HUNK: variants seen among roughly 807,000 people sequenced by gnomAD.
HUNK encodes the protein hormonally up-regulated Neu-associated kinase.
HUNK carries 21 observed loss-of-function variants against 61.0 expected under a neutral mutation model. The observed-to-expected ratio is 0.34, with a 90% CI of 0.24 to 0.50. The LOEUF (loss-of-function observed/expected upper bound fraction) is 0.50. Among genes scored for constraint, HUNK ranks in the 20% least tolerant of loss-of-function variants. The probability of loss-of-function intolerance (pLI) is 0.98; values close to 1 mark genes in which losing one functional copy is unlikely to be tolerated. For synonymous variants in HUNK, 371 were observed against 386.1 expected (o/e 0.96, Z 0.46); for missense variants, 772 against 945.7 (o/e 0.82, Z 2.41).
intron 1 of HUNK, among the ~76,000 whole-genome samples, chr21:31,874,997 A>T (rs2052249241): frequency 1.3e-5 from 2 of 152,120 alleles, no homozygotes; most frequent in Non-Finnish European, 2.9e-5. Context: ...GAGCTGTCCC[A>T]AGCTCCTGTC....
At chr21:31,975,006 T>G (rs896587804) in intron 7 of HUNK, among the ~76,000 whole-genome samples, 16 of 152,082 alleles carry the variant, frequency 1.1e-4, no homozygotes, top group African/African-American at 2.2e-4. Flanking sequence ...CTTTTTTTTT[T>G]TTGTTCTGCT....
intron 2 of HUNK, among the ~76,000 whole-genome samples, chr21:31,934,442 CA>C (rs35817125): frequency 0.12 from 10,571 of 88,726 alleles, 416 homozygotes; most frequent in African/African-American, 0.19. Context: ...GACTCTGCCT[CA>C]AAAAAAAAAA....
chr21:31,987,021 G>T (rs2053138151), intron 8 of HUNK, among the ~76,000 whole-genome samples: 1 of 152,154 alleles, frequency 6.6e-6, no homozygotes, highest in African/African-American at 2.4e-5. Flanking sequence ...TATTCCCAGA[G>T]GCCACACGAT....
chr21:31,919,836 G>A (rs1601378334), intron 1 of HUNK, among the ~76,000 whole-genome samples: 1 of 152,300 alleles, frequency 6.6e-6, no homozygotes, highest in Non-Finnish European at 1.5e-5. Flanking sequence ...GTGAAAGGTG[G>A]CGTCATTCCC....
At chr21:31,897,263 A>T (rs2052431485) in intron 1 of HUNK, among the ~76,000 whole-genome samples, 1 of 152,166 alleles carries the variant, frequency 6.6e-6, no homozygotes, top group Non-Finnish European at 1.5e-5. Flanking sequence ...CAAAACAAAA[A>T]AAATTAGCAA....
chr21:31,887,384 C>T (rs1372648624), intron 1 of HUNK, among the ~76,000 whole-genome samples: 1 of 152,166 alleles, frequency 6.6e-6, no homozygotes, highest in Non-Finnish European at 1.5e-5. Context: ...GTCTCTTTGA[C>T]TGTAATTTTT....
At chr21:31,907,954 C>A (rs1238631670) in intron 1 of HUNK, among the ~76,000 whole-genome samples, 4 of 151,574 alleles carry the variant, frequency 2.6e-5, no homozygotes, top group Admixed American at 2.6e-4. Context: ...CGCGCCACTG[C>A]AACTCCAGCC....
At chr21:31,958,536 C>T (rs752165809) in intron 4 of HUNK, among the ~76,000 whole-genome samples, 2 of 151,996 alleles carry the variant, frequency 1.3e-5, no homozygotes, top group Admixed American at 1.3e-4. Context: ...AGCACAGCAG[C>T]GAGATAGTGG....
chr21:31,950,872 C>G (rs773652970), intron 4 of HUNK, among the ~76,000 whole-genome samples: 13 of 152,080 alleles, frequency 8.5e-5, no homozygotes, highest in Non-Finnish European at 1.8e-4. Context: ...TCCAAAAAAG[C>G]AAACTCCCCT....
chr21:31,918,559 G>T (rs1321057520), intron 1 of HUNK, among the ~76,000 whole-genome samples: 1 of 152,216 alleles, frequency 6.6e-6, no homozygotes, highest in African/African-American at 2.4e-5. Flanking sequence ...GCTTCCTCCA[G>T]AGACCTAAGG....
At position 31,892,783 on chromosome 21, in the gene HUNK, GC is replaced by G. The variant is rs1205643338; in HGVS notation, c.261+18850del. Among the ~76,000 whole-genome samples the G allele has an allele frequency of 2.0e-5, 3 of 152,112 alleles. No individual in the cohort carries two copies. In the East Asian group the frequency reaches 5.8e-4, roughly 29 times the overall value. ...AGGTGAGGAAAAAGATGATGGGGAC[GC>G]CTCTTCCGTCAACACCTCCCTGAGG... On this transcript the variant is annotated intron_variant, in intron 1 of 10. Coordinates refer to ENST00000270112, the MANE Select transcript of HUNK (RefSeq NM_014586.2).
chr21:31,924,429 T>C lies in HUNK; in HGVS notation c.262-39T>C. Reference sequence around the variant, plus strand: ...GTAGCCAAGGCATCGCTATTGTCTGTAATGTCTGATAACAGGCATGTTCTT... The same window carrying C: ...GTAGCCAAGGCATCGCTATTGTCTGCAATGTCTGATAACAGGCATGTTCTT... On this transcript the variant is annotated intron_variant, in intron 1 of 10. Coordinates refer to ENST00000270112, the MANE Select transcript of HUNK (RefSeq NM_014586.2). This position sits in a 1 kb window ranked among gnomAD's most constrained non-coding sequence, Gnocchi z 5.1. 1 of 1,585,898 alleles carries C rather than the reference T, an allele frequency of 6.3e-7. No homozygotes were observed. The highest frequency in any genetic ancestry group is 1.2e-5 in the South Asian group (1 of 86,386).
chr21:31,956,019 G>T (rs772598175), intron 4 of HUNK, among the ~76,000 whole-genome samples: 6 of 152,228 alleles, frequency 3.9e-5, no homozygotes, highest in Non-Finnish European at 7.3e-5. Context: ...CTCATTAACT[G>T]CATGAACCTG....
rs762290307 is a variant in HUNK at position 31,946,061 on chromosome 21, G to A, written c.636G>A (p.Gly212=). 1.3e-5 allele frequency: 21 copies of A among 1,609,568 alleles called. No individual in the cohort carries two copies. The highest frequency in any genetic ancestry group is 1.7e-5 in the Non-Finnish European group (20 of 1,176,482). ...LIDFGLSNCA[G]ILGYSDPFST... ...ACTTTGGTTTGAGCAACTGCGCAGGGATCCTGGGTTACTCGGATCCGTTCA... is the reference window on the plus strand; with the variant it reads ...ACTTTGGTTTGAGCAACTGCGCAGGAATCCTGGGTTACTCGGATCCGTTCA... Residue 212 remains glycine (G), a synonymous_variant, in exon 4 of 11, where the codon GGG becomes GGA. Coordinates refer to ENST00000270112, the MANE Select transcript of HUNK (RefSeq NM_014586.2).
At chr21:31,974,758 G>A (rs1425477080) in intron 7 of HUNK, 41 bp downstream of exon 7, 3 of 1,535,348 alleles carry the variant, frequency 2.0e-6, no homozygotes, top group Admixed American at 2.1e-5. Flanking sequence ...GCTGTCTGTG[G>A]AAAAAAGAGC....
chr21:31,990,211 T>G (rs758030307), intron 9 of HUNK, 35 bp downstream of exon 9: 1 of 1,575,382 alleles, frequency 6.3e-7, no homozygotes, highest in Non-Finnish European at 8.7e-7. Flanking sequence ...TTAGTCAGGG[T>G]TCTCCAGAGA....
chr21:31,971,117 C>T (rs747218561), intron 6 of HUNK, among the ~76,000 whole-genome samples: 3 of 152,066 alleles, frequency 2.0e-5, no homozygotes, highest in African/African-American at 4.8e-5. Context: ...CTTGATCTGT[C>T]GCCCAGGCTG....
chr21:31,885,695 C>T (rs2052340839), intron 1 of HUNK, among the ~76,000 whole-genome samples: 1 of 152,100 alleles, frequency 6.6e-6, no homozygotes, highest in Non-Finnish European at 1.5e-5. Context: ...ATCGTCTGCC[C>T]TCCACGTGTG....
At chr21:31,920,807 G>A (rs908342985) in intron 1 of HUNK, among the ~76,000 whole-genome samples, 3 of 152,072 alleles carry the variant, frequency 2.0e-5, no homozygotes, top group Non-Finnish European at 4.4e-5. Context: ...GGGGCTGATT[G>A]ACTCTTTGTT....
Sources: allele counts gnomAD v4.1 joint callset (sites outside exome capture counted in the v4.1 genomes callset), GRCh38; gene constraint gnomAD v4.1.1; non-coding constraint Gnocchi (gnomAD v3.1); transcripts MANE v1.5; gene names NCBI Gene and HGNC (gene_info 2026-07-23, HGNC 2026-07-21).